IQSEC2: variants seen among roughly 807,000 people sequenced by gnomAD.
IQSEC2 encodes the protein IQ motif and SEC7 domain-containing protein 2.
A neutral mutation model predicts 74.6 loss-of-function variants in IQSEC2; 6 were observed. The observed-to-expected ratio is 0.08, with a 90% confidence interval of 0.04 to 0.16. IQSEC2 has a LOEUF of 0.16. Among genes scored for constraint, IQSEC2 ranks in the 10% least tolerant of loss-of-function variants. IQSEC2 has a pLI of 1.00. For missense variants in IQSEC2, 734 were observed against 1,306.2 expected (o/e 0.56, Z 6.75); for synonymous variants, 494 against 544.5 (o/e 0.91, Z 1.29).
intron 2 of IQSEC2, chrX:53,266,740 G>A: frequency 2.2e-5 from 21 of 975,423 alleles, no homozygotes; most frequent in Non-Finnish European, 2.7e-5. Context: ...CGGACCTAGG[G>A]CTCCAGCTCT....
chrX:53,302,410 T>C (rs1003999875), intron 1 of IQSEC2, among the ~76,000 whole-genome samples: 1 of 112,504 alleles, frequency 8.9e-6, no homozygotes, highest in Non-Finnish European at 1.9e-5. Context: ...TGTGAGGTAC[T>C]TAGATGTTCT....
At chrX:53,258,580 C>T (rs1192628030) in intron 2 of IQSEC2, among the ~76,000 whole-genome samples, 6 of 111,836 alleles carry the variant, frequency 5.4e-5, no homozygotes, top group East Asian at 2.8e-4. Flanking sequence ...CTGGGCCGGG[C>T]GTGGTGGCTT....
intron 1 of IQSEC2, among the ~76,000 whole-genome samples, chrX:53,310,022 G>A (rs1235684976): frequency 9.0e-6 from 1 of 111,288 alleles, no homozygotes; most frequent in African/African-American, 3.3e-5. Context: ...ACAGTATCAG[G>A]GAATGCCATC....
At position 53,250,512 on chromosome X, in the gene IQSEC2, G is replaced by A. The variant is rs782766118; in HGVS notation, c.2064C>T (p.Gly688=). 9.1e-6 allele frequency: 11 copies of A among 1,210,135 alleles called. No homozygotes were observed. Among genetic ancestry groups the A allele is most frequent in the Middle Eastern group, 2.3e-4 (1 of 4,376 alleles). The change falls in exon 5 of 15, where the codon GGC becomes GGT. Residue 688 remains glycine (G), a synonymous_variant. Transcript: ENST00000642864. The part of the protein sequence containing the change: ...GRRLGKCEAA[G]ENSDGGDNES... ...CGTTATCTCCACCATCAGAGTTCTC[G>A]CCTGCTGCCTCGCACTTCCCCAACC... is the stretch of plus-strand genomic sequence containing the variant.
chrX:53,289,127 C>T, intron 2 of IQSEC2, among the ~76,000 whole-genome samples: 1 of 111,202 alleles, frequency 9.0e-6, no homozygotes, highest in East Asian at 2.8e-4. Flanking sequence ...AGGCCTAGCG[C>T]CTCTCCTCGG....
At chrX:53,254,415 G>C (rs2074435105) in intron 4 of IQSEC2, 115 bp downstream of exon 4, 9 of 617,791 alleles carry the variant, frequency 1.5e-5, no homozygotes, top group Middle Eastern at 4.2e-4. Flanking sequence ...GTAGCTATTT[G>C]CTGTTATTAA....
intron 1 of IQSEC2, among the ~76,000 whole-genome samples, chrX:53,307,281 T>G: frequency 1.2e-5 from 1 of 80,559 alleles, no homozygotes; most frequent in Non-Finnish European, 2.5e-5. Flanking sequence ...CTTTTTCTTT[T>G]TCTTTCTTTC....
In IQSEC2 at chrX:53,248,661, C is replaced by T. The variant is rs370388615; in HGVS notation, c.2459+60G>A. On this transcript the variant is annotated intron_variant, in intron 6 of 14. Transcript: ENST00000642864. Reference sequence around the variant, plus strand: ...AAAGGGACAGGCTGCCCCCTTCCTCCCTCTTGCTGTCCTTTTCCAGGAATC... The same window carrying T: ...AAAGGGACAGGCTGCCCCCTTCCTCTCTCTTGCTGTCCTTTTCCAGGAATC... 56 of 1,149,380 alleles carry T rather than the reference C, an allele frequency of 4.9e-5. 1 individual carries two copies. The African/African-American group carries it at 8.5e-4, about 18-fold the overall frequency. The allele number at this position is 1,149,380 out of a possible 1,213,427, so 94.7% of individuals were successfully genotyped here.
At chrX:53,248,365 C>T (rs2074338482) in intron 6 of IQSEC2, 129 bp from the exon 7 acceptor site, 1 of 841,457 alleles carries the variant, frequency 1.2e-6, no homozygotes, top group African/African-American at 2.0e-5. Flanking sequence ...GTGGCCCGAG[C>T]AAGTACACAT....
At chrX:53,236,516 C>T in intron 12 of IQSEC2, 21 bp from the exon 13 acceptor site, 1 of 1,184,661 alleles carries the variant, frequency 8.4e-7, no homozygotes, top group Admixed American at 2.4e-5. Context: ...GTCGGGGAGA[C>T]AGGGAGCAAA....
chrX:53,268,014 C>A (rs782390164), intron 2 of IQSEC2, among the ~76,000 whole-genome samples: 1 of 112,031 alleles, frequency 8.9e-6, no homozygotes, highest in Non-Finnish European at 1.9e-5. Flanking sequence ...AAGCACCTAT[C>A]CCTAGGGTGC....
chrX:53,295,356 G>A (rs1057373132), intron 1 of IQSEC2, among the ~76,000 whole-genome samples: 22 of 111,355 alleles, frequency 2.0e-4, no homozygotes, highest in Non-Finnish European at 4.0e-4. Context: ...TGTAATCCCA[G>A]CACTTTGGGA....
Position 53,290,001 on chromosome X carries a change from A to G in IQSEC2, c.737+1894T>C, listed in dbSNP as rs187768757. On this transcript the variant is annotated intron_variant, in intron 2 of 14. Transcript: ENST00000642864. ...AATGGTGATTGCTATAATTGCTAATATTAGGATGAGGATGAGGATGATGAT... is the reference window on the plus strand; with the variant it reads ...AATGGTGATTGCTATAATTGCTAATGTTAGGATGAGGATGAGGATGATGAT... 7.1e-5 allele frequency among the ~76,000 whole-genome samples: 8 copies of G among 112,045 alleles called. No homozygotes were observed. The East Asian group carries it at 2.2e-3, about 31-fold the overall frequency.
At chrX:53,318,011 A>G (rs1246352953) in intron 1 of IQSEC2, among the ~76,000 whole-genome samples, 2 of 111,929 alleles carry the variant, frequency 1.8e-5, no homozygotes, top group Admixed American at 9.4e-5. Flanking sequence ...GGCCTCTCCT[A>G]GCTCAGTGCC....
Position 53,256,001 on chromosome X carries a change from T to C in IQSEC2, c.798A>G (p.Gln266=). 1.7e-6 allele frequency: 2 copies of C among 1,186,143 alleles called. No individual in the cohort carries two copies. Among genetic ancestry groups the C allele is most frequent in the South Asian group, 1.9e-5 (1 of 53,753 alleles). The change falls in exon 3 of 15, where the codon CAA becomes CAG. Residue 266 remains glutamine (Q), a synonymous_variant. Transcript: ENST00000642864. ...GCAGCTGGCTCAGCCGGTAGGGGGGTTGGCTCCCAGGACTATCAACCGCTG... is the reference window on the plus strand; with the variant it reads ...GCAGCTGGCTCAGCCGGTAGGGGGGCTGGCTCCCAGGACTATCAACCGCTG... ...LSTAVDSPGS[Q]PPYRLSQLPP... is the part of the protein sequence containing the mutation.
rs868968904 is a variant in IQSEC2, at chrX:53,280,654, G to C, written c.737+11241C>G. Among the ~76,000 whole-genome samples, 4 of 110,372 alleles carry C rather than the reference G, an allele frequency of 3.6e-5. No homozygotes were observed. The Middle Eastern group carries it at 0.019, about 518-fold the overall frequency. On this transcript the variant is annotated intron_variant, in intron 2 of 14. Transcript: ENST00000642864. Reference sequence around the variant, plus strand: ...GGGCCCACACTCCACCCCTGATGCTGTGCCCCCACCACCCCTAGTGCAGGG... The same window carrying C: ...GGGCCCACACTCCACCCCTGATGCTCTGCCCCCACCACCCCTAGTGCAGGG...
chrX:53,295,671 G>A (rs782213066), intron 1 of IQSEC2, among the ~76,000 whole-genome samples: 45 of 105,355 alleles, frequency 4.3e-4, no homozygotes, highest in African/African-American at 1.5e-3. Flanking sequence ...GCAGAATATC[G>A]AAAGTTCCTG....
intron 2 of IQSEC2, among the ~76,000 whole-genome samples, chrX:53,256,760 C>T (rs781952390): frequency 8.9e-6 from 1 of 112,808 alleles, no homozygotes; most frequent in Non-Finnish European, 1.9e-5. Flanking sequence ...GGAGGCGCCT[C>T]CCATCCAGCA....
intron 10 of IQSEC2, among the ~76,000 whole-genome samples, chrX:53,241,302 C>T (rs1000941523): frequency 9.1e-6 from 1 of 109,931 alleles, no homozygotes; most frequent in Non-Finnish European, 1.9e-5. Flanking sequence ...GACAGGGTTT[C>T]GACATGTTGC....
Sources: gnomAD v4.1 joint callset for allele counts (sites outside exome capture counted in the v4.1 genomes callset) on GRCh38, gnomAD v4.1.1 for gene constraint, MANE v1.5 for transcripts, NCBI Gene and HGNC (gene_info 2026-07-23, HGNC 2026-07-21) for gene names.